Variants in PITRM1 observed in about 807,000 individuals in gnomAD.
PITRM1 encodes presequence protease, mitochondrial.
A neutral mutation model predicts 129.9 loss-of-function variants in PITRM1; 100 were observed. The observed-to-expected ratio is 0.77, with a 90% CI of 0.65 to 0.91. The LOEUF (loss-of-function observed/expected upper bound fraction) is 0.91. PITRM1 is among the 40% of genes least tolerant of loss of function. The pLI is 0.00. For missense variants in PITRM1, 1,471 were observed against 1,318.3 expected (o/e 1.12, Z -1.79); for synonymous variants, 591 against 508.8 (o/e 1.16, Z -2.17).
Position 3,148,043 on chromosome 10 carries a change from G to C in PITRM1, c.2013C>G (p.Leu671=). The part of the protein sequence containing the change: ...TYEQGVLFSS[L]CLDRNLPDMM... ...TGTCTGGCAGGTTTCGATCCAGGCAGAGAGAGGAGAAAAGCACACCCTGAA... is the reference window on the plus strand; with the variant it reads ...TGTCTGGCAGGTTTCGATCCAGGCACAGAGAGGAGAAAAGCACACCCTGAA... Residue 671 remains leucine (L), a synonymous_variant, in exon 18 of 27, where the codon CTC becomes CTG. Transcript: ENST00000224949. The C allele has an allele frequency of 1.2e-6, 2 of 1,613,782 alleles. No individual in the cohort carries two copies. Among genetic ancestry groups the C allele is most frequent in the East Asian group, 2.2e-5 (1 of 44,882 alleles).
chr10:3,155,599 T>C lies in PITRM1; in HGVS notation c.1613A>G (p.Tyr538Cys), dbSNP rs1234128405. The change falls in exon 14 of 27, where the codon TAC (tyrosine) becomes TGC (cysteine). Residue 538 changes from tyrosine (Y) to cysteine (C), a missense_variant. By Grantham distance (194) the Tyr-to-Cys change is radical. Transcript: ENST00000224949. ...ALSPGDRQQI[Y>C]EKGLELRSQQ... Reference sequence around the variant, plus strand: ...GGAAGGAAGCCTCTGACCTTTCTCGTAGATCTGCTGCCTGTCTCCGGGGGA... The same window carrying C: ...GGAAGGAAGCCTCTGACCTTTCTCGCAGATCTGCTGCCTGTCTCCGGGGGA... 5.0e-6 allele frequency: 8 copies of C among 1,613,890 alleles called. No homozygotes were observed. The highest frequency in any genetic ancestry group is 1.7e-5 in the Admixed American group (1 of 60,018).
intron 12 of PITRM1, 49 bp downstream of exon 12, chr10:3,157,386 C>T: frequency 1.7e-6 from 2 of 1,150,608 alleles, no homozygotes; most frequent in Non-Finnish European, 2.5e-6. Context: ...AGTAACAAGA[C>T]AAAATGTCTA....
At position 3,137,769 on chromosome 10, in the gene PITRM1, C is replaced by T. The variant is rs1298948328; in HGVS notation, c.*262G>A. The T allele has an allele frequency of 2.1e-6, 1 of 480,086 alleles. No individual in the cohort carries two copies. Among genetic ancestry groups the T allele is most frequent in the African/African-American group, 2.0e-5 (1 of 50,872 alleles). The allele number at this position is 480,086 out of a possible 1,614,324, so 29.7% of individuals were successfully genotyped here. The stretch of plus-strand genomic sequence containing the variant: ...CTTTATTTTTAGATTCTTAAATATT[C>T]TAGAATGAGGTAAAACGAGCCTGCC... On this transcript the variant is annotated 3_prime_UTR_variant, in exon 27 of 27. Transcript: ENST00000224949.
chr10:3,166,286 C>T lies in PITRM1; in HGVS notation c.361G>A (p.Asp121Asn), dbSNP rs567483844. The part of the protein sequence containing the change: ...LCGSQKYPCR[D>N]PFFKMLNRSL... ...CGGTTCAACATTTTGAAGAAAGGGT[C>T]TCTGCACGGATATTTCTGAGACCCA... Residue 121 changes from aspartate (D) to asparagine (N), a missense_variant, in exon 4 of 27, where the codon GAC becomes AAC. Coordinates refer to ENST00000224949, the MANE Select transcript of PITRM1 (RefSeq NM_014889.4). 1.2e-6 allele frequency: 2 copies of T among 1,611,706 alleles called. No homozygotes were observed. The highest frequency in any genetic ancestry group is 2.7e-5 in the African/African-American group (2 of 74,572).
intron 7 of PITRM1, 147 bp downstream of exon 7, chr10:3,163,578 A>G (rs1411814914): frequency 1.5e-6 from 1 of 668,804 alleles, no homozygotes. Flanking sequence ...CAAGTAAGAT[A>G]GGCAAACTTA....
chr10:3,171,772 G>A (rs750696472), intron 1 of PITRM1, among the ~76,000 whole-genome samples: 1 of 152,122 alleles, frequency 6.6e-6, no homozygotes, highest in Non-Finnish European at 1.5e-5. Context: ...TGAATGAGAT[G>A]GCTCACACCT....
chr10:3,157,770 A>T (rs1262472908), intron 11 of PITRM1, among the ~76,000 whole-genome samples: 1 of 152,162 alleles, frequency 6.6e-6, no homozygotes, highest in Non-Finnish European at 1.5e-5. Flanking sequence ...CTGGTAGGGG[A>T]GGAAAATGCA....
intron 1 of PITRM1, among the ~76,000 whole-genome samples, chr10:3,172,507 C>T (rs1843470879): frequency 6.6e-6 from 1 of 152,152 alleles, no homozygotes. Context: ...CGGGGCATCG[C>T]CCCTGGGAGT....
intron 14 of PITRM1, among the ~76,000 whole-genome samples, chr10:3,152,225 T>C (rs527378499): frequency 1.3e-5 from 2 of 152,278 alleles, no homozygotes; most frequent in South Asian, 2.1e-4. Context: ...ACAGCCCATG[T>C]GGAGAATCCA....
chr10:3,168,915 TACACAC>T (rs61366911), intron 2 of PITRM1, among the ~76,000 whole-genome samples: 2,857 of 142,760 alleles, frequency 0.02, 49 homozygotes, highest in Middle Eastern at 0.07. Flanking sequence ...AGTTTCCATC[TACACAC>T]ACACACACAC....
In PITRM1 at chr10:3,160,410, CA is replaced by C. The variant is rs1842349086; in HGVS notation, c.792-81del. On this transcript the variant is annotated intron_variant, in intron 7 of 26. Coordinates refer to ENST00000224949, the MANE Select transcript of PITRM1 (RefSeq NM_014889.4). Reference sequence around the variant, plus strand: ...AAGTGCTGTCTGTTTCACTGAAACACAGCACAGGAGTGCCCCTTACCCAAGG... The same window carrying C: ...AAGTGCTGTCTGTTTCACTGAAACACGCACAGGAGTGCCCCTTACCCAAGG... 8.3e-6 allele frequency: 10 copies of C among 1,203,884 alleles called. No homozygotes were observed. In the South Asian group the frequency reaches 1.3e-4, roughly 16 times the overall value. 74.6% of individuals were successfully genotyped at this position (1,203,884 alleles called of 1,614,324 possible). A position where few individuals can be genotyped will look rare whatever the true frequency, so the allele number is the denominator to read the frequency against.
intron 10 of PITRM1, among the ~76,000 whole-genome samples, chr10:3,158,700 A>T (rs1201177780): frequency 6.6e-6 from 1 of 152,230 alleles, no homozygotes; most frequent in Non-Finnish European, 1.5e-5. Flanking sequence ...TGGATCCAGG[A>T]TCTCATCCAG....
intron 23 of PITRM1, 156 bp downstream of exon 23, chr10:3,143,233 A>C: frequency 1.6e-6 from 1 of 607,360 alleles, no homozygotes; most frequent in Non-Finnish European, 3.0e-6. Flanking sequence ...CTGCTGGTTA[A>C]AGAGGAGCAC....
At chr10:3,140,936 C>A (rs1840126126) in intron 23 of PITRM1, 124 bp from the exon 24 acceptor site, 3 of 905,524 alleles carry the variant, frequency 3.3e-6, no homozygotes, top group Admixed American at 2.4e-5. Context: ...AAATTATGGT[C>A]CCATATTTTG....
At chr10:3,147,123 A>C (rs200328666) in intron 20 of PITRM1, 27 bp downstream of exon 20, 1 of 1,226,370 alleles carries the variant, frequency 8.2e-7, no homozygotes, top group Non-Finnish European at 1.2e-6. Flanking sequence ...GAATCATAAA[A>C]TATTTAGAAA....
intron 20 of PITRM1, chr10:3,146,935 T>C: frequency 2.7e-6 from 1 of 371,674 alleles, no homozygotes; most frequent in Non-Finnish European, 4.9e-6. Flanking sequence ...TATTTGCACT[T>C]CTAGCACAAA....
At chr10:3,143,588 G>C in intron 22 of PITRM1, 87 bp from the exon 23 acceptor site, 1 of 918,070 alleles carries the variant, frequency 1.1e-6, no homozygotes, top group Non-Finnish European at 1.8e-6. Flanking sequence ...GGTCAGAGGC[G>C]GCTGTGCTCC....
At chr10:3,151,218 C>T in intron 15 of PITRM1, 29 bp downstream of exon 15, 1 of 1,259,406 alleles carries the variant, frequency 7.9e-7, no homozygotes, top group Non-Finnish European at 1.1e-6. Context: ...GAACCCGAGA[C>T]CCGGGAAAAG....
intron 8 of PITRM1, 75 bp downstream of exon 8, chr10:3,160,129 C>A (rs1842324907): frequency 6.8e-7 from 1 of 1,477,034 alleles, no homozygotes; most frequent in African/African-American, 1.4e-5. Flanking sequence ...TCTGAAATCC[C>A]ATCATCAATA....
Sources: allele counts gnomAD v4.1 joint callset (sites outside exome capture counted in the v4.1 genomes callset), GRCh38; gene constraint gnomAD v4.1.1; transcripts MANE v1.5; gene names NCBI Gene and HGNC (gene_info 2026-07-23, HGNC 2026-07-21).